Variants in RNF183 observed in about 807,000 individuals in gnomAD.
The protein encoded by RNF183 is E3 ubiquitin-protein ligase RNF183.
RNF183 carries 4 observed loss-of-function variants against 9.0 expected under a neutral mutation model. That is an observed-to-expected ratio of 0.44 (90% CI 0.22 to 1.01). The LOEUF (loss-of-function observed/expected upper bound fraction) is 1.01, where lower values mean the gene tolerates loss of function less well. Among genes scored for constraint, RNF183 ranks in the 50% least tolerant of loss-of-function variants. The probability of loss-of-function intolerance (pLI) is 0.25; values close to 1 mark genes in which losing one functional copy is unlikely to be tolerated. For missense variants in RNF183, 227 were observed against 253.6 expected, an observed-to-expected ratio of 0.89 and a Z score of 0.71; for synonymous variants, 102 against 107.5, an observed-to-expected ratio of 0.95 and a Z score of 0.32.
chr9:113,302,873 G>A (rs980713890), intron 1 of RNF183, among the ~76,000 whole-genome samples, 183 bp downstream of exon 1: 1 of 152,182 alleles, frequency 6.6e-6, no homozygotes, highest in African/African-American at 2.4e-5. Context: ...GGAAGCCAAG[G>A]CTCAGAAGGG....
chr9:113,301,043 T>C (rs1832904823), intron 3 of RNF183, among the ~76,000 whole-genome samples: 1 of 152,114 alleles, frequency 6.6e-6, no homozygotes, highest in East Asian at 1.9e-4. Context: ...AGGGATCCAG[T>C]TGTAGTTTCT....
chr9:113,302,258 G>A lies in RNF183; in HGVS notation c.-385C>T, dbSNP rs1017558572. On this transcript the variant is annotated 5_prime_UTR_variant, in exon 2 of 5. Coordinates refer to ENST00000489339, the MANE Select transcript of RNF183 (RefSeq NM_001371237.1). ...TCCAAGAGGAGGAAGCATCATTATT[G>A]CCTGGATCTTTATCTGTGCTGCTCT... 8.6e-5 allele frequency: 13 copies of A among 152,042 alleles called. No homozygotes were observed. The highest frequency in any genetic ancestry group is 2.4e-4 in the African/African-American group (10 of 41,378). The allele number at this position is 152,042 out of a possible 1,614,324, so 9.4% of individuals were successfully genotyped here. A position where few individuals can be genotyped will look rare whatever the true frequency, so the allele number is the denominator to read the frequency against.
chr9:113,298,575 C>G lies in RNF183; in HGVS notation c.-37-354G>C, dbSNP rs536360630. Reference sequence around the variant, plus strand: ...CAGGGAGCTGGGGGTAAGCTGCAGTCTGCGGGTTTTGCTACAGGACAAATG... The same window carrying G: ...CAGGGAGCTGGGGGTAAGCTGCAGTGTGCGGGTTTTGCTACAGGACAAATG... On this transcript the variant is annotated intron_variant, in intron 4 of 4. Coordinates refer to ENST00000489339, the MANE Select transcript of RNF183 (RefSeq NM_001371237.1). The surrounding 1 kb of genome is among the most constrained non-coding windows in gnomAD (Gnocchi z 4.9). 4.7e-6 allele frequency: 1 copy of G among 211,564 alleles called. No individual in the cohort carries two copies. Among genetic ancestry groups the G allele is most frequent in the African/African-American group, 2.3e-5 (1 of 43,286 alleles). The allele number at this position is 211,564 out of a possible 1,614,324, so 13.1% of individuals were successfully genotyped here.
chr9:113,297,980 G>T lies in RNF183; in HGVS notation c.205C>A (p.Gln69Lys). Residue 69 changes from glutamine (Q) to lysine (K), a missense_variant, in exon 5 of 5, where the codon CAG becomes AAG. Coordinates refer to ENST00000489339, the MANE Select transcript of RNF183 (RefSeq NM_001371237.1). ...TCCGTGGGCAAGTCAGTGACAGGCT[G>T]CCCTGAGGCCAGCACTGTGGGCTGG... is the stretch of plus-strand genomic sequence containing the variant. ...CRQPTVLASG[Q>K]PVTDLPTDTA... is the part of the protein sequence containing the mutation. The T allele has an allele frequency of 1.9e-6, 3 of 1,613,954 alleles. No individual in the cohort carries two copies. The highest frequency in any genetic ancestry group is 4.5e-5 in the East Asian group (2 of 44,858).
chr9:113,297,480 G>T lies in RNF183; in HGVS notation c.*126C>A. On this transcript the variant is annotated 3_prime_UTR_variant, in exon 5 of 5. Coordinates refer to ENST00000489339, the MANE Select transcript of RNF183 (RefSeq NM_001371237.1). ...AATTGTTCCCAGAAGCAAACACATG[G>T]CCTGAACAATCCCTGGATTGTAAAA... 3.1e-6 allele frequency: 2 copies of T among 644,058 alleles called. No homozygotes were observed. The highest frequency in any genetic ancestry group is 5.2e-6 in the Non-Finnish European group (2 of 385,226). The allele number at this position is 644,058 out of a possible 1,614,324, so 39.9% of individuals were successfully genotyped here.
chr9:113,301,725 C>T lies in RNF183; in HGVS notation c.-295G>A, dbSNP rs1027766875. 9 of 152,134 alleles carry T rather than the reference C, an allele frequency of 5.9e-5. No individual in the cohort carries two copies. The highest frequency in any genetic ancestry group is 1.0e-4 in the Non-Finnish European group (7 of 68,018). 9.4% of individuals were successfully genotyped at this position (152,134 alleles called of 1,614,324 possible). A position where few individuals can be genotyped will look rare whatever the true frequency, so the allele number is the denominator to read the frequency against. ...ACTCATCATTTCCCCCACTGGGAAT[C>T]GATTCCACGGAAACCATCAAGGACT... is the stretch of plus-strand genomic sequence containing the variant. On this transcript the variant is annotated 5_prime_UTR_variant, in exon 3 of 5. Transcript: ENST00000489339.
intron 3 of RNF183, among the ~76,000 whole-genome samples, chr9:113,300,369 T>C (rs1026760464): frequency 6.6e-6 from 1 of 152,106 alleles, no homozygotes; most frequent in African/African-American, 2.4e-5. Context: ...GTGAACAAAA[T>C]AGACATTGTC....
chr9:113,298,509 C>T lies in RNF183; in HGVS notation c.-37-288G>A, dbSNP rs1419580367. The T allele has an allele frequency of 5.6e-6, 2 of 354,010 alleles. No individual in the cohort carries two copies. Among genetic ancestry groups the T allele is most frequent in the South Asian group, 4.2e-5 (1 of 23,870 alleles). The allele number at this position is 354,010 out of a possible 1,614,324, so 21.9% of individuals were successfully genotyped here. On this transcript the variant is annotated intron_variant, in intron 4 of 4. Coordinates refer to ENST00000489339, the MANE Select transcript of RNF183 (RefSeq NM_001371237.1). This position sits in a 1 kb window ranked among gnomAD's most constrained non-coding sequence, Gnocchi z 4.9. ...TGGGCTTTGGAGCTGGACGCAAATG[C>T]TCCTTATGGTCATTGTCTGTGCCCT... is the stretch of plus-strand genomic sequence containing the variant.
Position 113,297,671 on chromosome 9 carries a change from T to G in RNF183, c.514A>C (p.Ser172Arg). The change falls in exon 5 of 5, where the codon AGT (serine) becomes CGT (arginine). Residue 172 changes from serine to arginine, a missense_variant. Coordinates refer to ENST00000489339, the MANE Select transcript of RNF183 (RefSeq NM_001371237.1). The part of the protein sequence containing the change: ...IFAYLMAVIL[S>R]VTLLLIFSIF... ...GAGAATATGAGCAACAGAGTGACAC[T>G]GAGGATGACGGCCATCAGGTAGGCA... The G allele has an allele frequency of 6.2e-7, 1 of 1,613,760 alleles. No individual in the cohort carries two copies. Among genetic ancestry groups the G allele is most frequent in the East Asian group, 2.2e-5 (1 of 44,858 alleles).
Position 113,297,881 on chromosome 9 carries a change from C to G in RNF183, c.304G>C (p.Asp102His), listed in dbSNP as rs773625495. ...ILEGHQLCLK[D>H]QPKSRYFLRQ... ...AGGAAGTAGCGGCTCTTGGGCTGGT[C>G]CTTGAGGCACAGCTGATGGCCTTCC... Residue 102 changes from aspartate (D) to histidine (H), a missense_variant, in exon 5 of 5, where the codon GAC (aspartate) becomes CAC (histidine). Physicochemically the swap from Asp to His is moderately conservative, Grantham distance 81. Coordinates refer to ENST00000489339, the MANE Select transcript of RNF183 (RefSeq NM_001371237.1). 9 of 1,613,428 alleles carry G rather than the reference C, an allele frequency of 5.6e-6. No homozygotes were observed. The highest frequency in any genetic ancestry group is 1.1e-5 in the South Asian group (1 of 90,982).
In RNF183 at chr9:113,297,949, G is replaced by A. The variant is rs1832783961; in HGVS notation, c.236C>T (p.Ala79Val). The A allele has an allele frequency of 1.2e-6, 2 of 1,613,802 alleles. No individual in the cohort carries two copies. The highest frequency in any genetic ancestry group is 1.7e-5 in the Admixed American group (1 of 60,014). Residue 79 changes from alanine (A) to valine (V), a missense_variant, in exon 5 of 5, where the codon GCC becomes GTC. Ala to Val is a moderately conservative substitution (Grantham distance 64). Transcript: ENST00000489339. ...QPVTDLPTDTAMLALLRLEPH... is the reference protein window; with the variant it reads ...QPVTDLPTDTVMLALLRLEPH... Reference sequence around the variant, plus strand: ...CTCCAGGCGGAGCAGGGCGAGCATGGCAGTGTCCGTGGGCAAGTCAGTGAC... The same window carrying A: ...CTCCAGGCGGAGCAGGGCGAGCATGACAGTGTCCGTGGGCAAGTCAGTGAC...
Position 113,297,847 on chromosome 9 carries a change from G to C in RNF183, c.338C>G (p.Pro113Arg), listed in dbSNP as rs1564271566. The C allele has an allele frequency of 6.2e-7, 1 of 1,609,568 alleles. No individual in the cohort carries two copies. Among genetic ancestry groups the C allele is most frequent in the Admixed American group, 1.7e-5 (1 of 59,768 alleles). ...GCCAAGGTCCAGCGTGTAGACTTGA[G>C]GCTGGCGCAGGAAGTAGCGGCTCTT... ...QPKSRYFLRQPQVYTLDLGPQ... is the reference protein window; with the variant it reads ...QPKSRYFLRQRQVYTLDLGPQ... The change falls in exon 5 of 5, where the codon CCT becomes CGT. Residue 113 changes from proline to arginine, a missense_variant. By Grantham distance (103) the Pro-to-Arg change is moderately radical. Coordinates refer to ENST00000489339, the MANE Select transcript of RNF183 (RefSeq NM_001371237.1).
intron 3 of RNF183, among the ~76,000 whole-genome samples, chr9:113,301,060 G>A (rs1323702514): frequency 1.3e-5 from 2 of 152,128 alleles, no homozygotes; most frequent in Non-Finnish European, 2.9e-5. Context: ...TTCTGTCAAG[G>A]TTCATGATGC....
In RNF183 at chr9:113,297,513, C is replaced by G; in HGVS notation, c.*93G>C. 1 of 786,794 alleles carries G rather than the reference C, an allele frequency of 1.3e-6. No individual in the cohort carries two copies. The highest frequency in any genetic ancestry group is 2.0e-5 in the South Asian group (1 of 50,146). The allele number at this position is 786,794 out of a possible 1,614,324, so 48.7% of individuals were successfully genotyped here. A position where few individuals can be genotyped will look rare whatever the true frequency, so the allele number is the denominator to read the frequency against. ...AATCCCTGGATTGTAAAATAAACAA[C>G]ACTACAAAGGAAGACAATACCAAAT... is the stretch of plus-strand genomic sequence containing the variant. On this transcript the variant is annotated 3_prime_UTR_variant, in exon 5 of 5. Transcript: ENST00000489339.
Position 113,302,292 on chromosome 9 carries a change from T to G in RNF183, c.-419A>C, listed in dbSNP as rs1832941441. ...TTTATCTGTGCTGCTCTCCCAGGGA[T>G]CCACTGCTGTTTCAGGATCAGCTGG... On this transcript the variant is annotated 5_prime_UTR_variant, in exon 2 of 5. Coordinates refer to ENST00000489339, the MANE Select transcript of RNF183 (RefSeq NM_001371237.1). 6.6e-6 allele frequency: 1 copy of G among 152,122 alleles called. No homozygotes were observed. Among genetic ancestry groups the G allele is most frequent in the Non-Finnish European group, 1.5e-5 (1 of 68,048 alleles). 9.4% of individuals were successfully genotyped at this position (152,122 alleles called of 1,614,324 possible).
Position 113,297,487 on chromosome 9 carries a change from C to T in RNF183, c.*119G>A. The T allele has an allele frequency of 1.5e-6, 1 of 678,052 alleles. No individual in the cohort carries two copies. Among genetic ancestry groups the T allele is most frequent in the Non-Finnish European group, 2.4e-6 (1 of 412,794 alleles). The allele number at this position is 678,052 out of a possible 1,614,324, so 42.0% of individuals were successfully genotyped here. On this transcript the variant is annotated 3_prime_UTR_variant, in exon 5 of 5. Coordinates refer to ENST00000489339, the MANE Select transcript of RNF183 (RefSeq NM_001371237.1). ...CCCAGAAGCAAACACATGGCCTGAA[C>T]AATCCCTGGATTGTAAAATAAACAA...
Position 113,298,901 on chromosome 9 carries a change from TC to T in RNF183, c.-38+670del, listed in dbSNP as rs1158512180. On this transcript the variant is annotated intron_variant, in intron 4 of 4. Coordinates refer to ENST00000489339, the MANE Select transcript of RNF183 (RefSeq NM_001371237.1). This position sits in a 1 kb window ranked among gnomAD's most constrained non-coding sequence, Gnocchi z 4.9. ...CCCTTCCAGAGCCTCTTCCCCATCC[TC>T]TGCCTACCCTGGCTCCTCCTCCCTC... is the stretch of plus-strand genomic sequence containing the variant. 1 of 140,980 alleles carries T rather than the reference TC, an allele frequency of 7.1e-6. No homozygotes were observed. The highest frequency in any genetic ancestry group is 3.0e-4 in the East Asian group (1 of 3,376). The allele number at this position is 140,980 out of a possible 1,614,324, so 8.7% of individuals were successfully genotyped here.
chr9:113,297,458 T>C lies in RNF183; in HGVS notation c.*148A>G. The C allele has an allele frequency of 1.8e-6, 1 of 550,292 alleles. No individual in the cohort carries two copies. The highest frequency in any genetic ancestry group is 4.1e-5 in the South Asian group (1 of 24,342). 34.1% of individuals were successfully genotyped at this position (550,292 alleles called of 1,614,324 possible). A position where few individuals can be genotyped will look rare whatever the true frequency, so the allele number is the denominator to read the frequency against. On this transcript the variant is annotated 3_prime_UTR_variant, in exon 5 of 5. Transcript: ENST00000489339. ...TCGTTTTTTTGTTTTTTTTTAAAAT[T>C]GTTCCCAGAAGCAAACACATGGCCT... is the stretch of plus-strand genomic sequence containing the variant.
chr9:113,297,732 C>A lies in RNF183; in HGVS notation c.453G>T (p.Leu151Phe), dbSNP rs1564270865. Residue 151 changes from leucine to phenylalanine, a missense_variant, in exon 5 of 5, where the codon TTG becomes TTT. Physicochemically the swap from Leu to Phe is conservative, Grantham distance 22. Coordinates refer to ENST00000489339, the MANE Select transcript of RNF183 (RefSeq NM_001371237.1). ...TPILIPSHHS[L>F]RECFRNPQFR... The stretch of plus-strand genomic sequence containing the variant: ...ACTGAGGGTTGCGGAAACACTCCCT[C>A]AAAGAGTGGTGGCTGGGGATGAGGA... 1 of 1,614,092 alleles carries A rather than the reference C, an allele frequency of 6.2e-7. No homozygotes were observed. The highest frequency in any genetic ancestry group is 8.5e-7 in the Non-Finnish European group (1 of 1,179,996).
Sources: gnomAD v4.1 joint callset for allele counts (sites outside exome capture counted in the v4.1 genomes callset) on GRCh38, gnomAD v4.1.1 for gene constraint, Gnocchi (gnomAD v3.1) non-coding constraint, MANE v1.5 for transcripts, NCBI Gene and HGNC (gene_info 2026-07-23, HGNC 2026-07-21) for gene names.